The following IQCM variants were observed in gnomAD, a reference collection of about 807,000 sequenced individuals.
The protein encoded by IQCM is IQ domain-containing protein M.
In IQCM, 45 loss-of-function variants were observed where a neutral mutation model predicts 57.6. The observed-to-expected ratio is 0.78, with a 90% CI of 0.62 to 1.00. IQCM has a LOEUF of 1.00. Among genes scored for constraint, IQCM ranks in the 50% least tolerant of loss-of-function variants. The pLI, the probability that IQCM is intolerant of heterozygous loss-of-function variation, is 0.00. For missense variants in IQCM, 468 were observed against 511.6 expected, an observed-to-expected ratio of 0.91 and a Z score of 0.82; for synonymous variants, 148 against 158.9, an observed-to-expected ratio of 0.93 and a Z score of 0.51.
chr4:149,398,579 C>T (rs1360042169), intron 13 of IQCM, among the ~76,000 whole-genome samples: 1 of 152,026 alleles, frequency 6.6e-6, no homozygotes, highest in Admixed American at 6.6e-5. Flanking sequence ...TCTTTCACCT[C>T]CTTAACTAAG....
chr4:149,769,586 T>C (rs1370011208), intron 2 of IQCM, among the ~76,000 whole-genome samples: 1 of 149,184 alleles, frequency 6.7e-6, no homozygotes, highest in Non-Finnish European at 1.5e-5. Flanking sequence ...AGTAAAAGGA[T>C]AGAAAAGGTA....
At chr4:149,737,234 G>A (rs1052434110) in intron 3 of IQCM, among the ~76,000 whole-genome samples, 4 of 152,112 alleles carry the variant, frequency 2.6e-5, no homozygotes, top group Non-Finnish European at 5.9e-5. Flanking sequence ...TGATGGGAAT[G>A]TTCTGTATTT....
intron 7 of IQCM, among the ~76,000 whole-genome samples, chr4:149,660,985 TAATAA>T (rs1262202078): frequency 6.6e-6 from 1 of 151,742 alleles, no homozygotes. Flanking sequence ...AGTATAATAA[TAATAA>T]AATAAAACAA....
chr4:149,814,832 T>C (rs1226560790), intron 2 of IQCM, among the ~76,000 whole-genome samples: 3 of 151,996 alleles, frequency 2.0e-5, no homozygotes, highest in Non-Finnish European at 2.9e-5. Context: ...CTCTGGAGTA[T>C]GAATCATATA....
intron 7 of IQCM, among the ~76,000 whole-genome samples, chr4:149,636,462 A>G (rs1377352360): frequency 1.3e-5 from 2 of 152,086 alleles, no homozygotes; most frequent in Admixed American, 6.6e-5. Context: ...CTCCTCCATG[A>G]TAGACGTGTG....
chr4:149,468,737 C>G (rs1197593193), intron 12 of IQCM, among the ~76,000 whole-genome samples: 2 of 152,216 alleles, frequency 1.3e-5, no homozygotes, highest in African/African-American at 4.8e-5. Context: ...TAGGGGCCAA[C>G]TGACACCTCA....
intron 13 of IQCM, among the ~76,000 whole-genome samples, chr4:149,399,900 T>C (rs561567863): frequency 1.8e-4 from 28 of 152,186 alleles, no homozygotes; most frequent in Middle Eastern, 3.4e-3. Context: ...AGAGAGTATA[T>C]GAAAAGGCTA....
intron 12 of IQCM, among the ~76,000 whole-genome samples, chr4:149,456,062 AAG>A (rs1169959547): frequency 1.3e-5 from 2 of 152,120 alleles, no homozygotes; most frequent in Non-Finnish European, 2.9e-5. Context: ...TATTAAAAAA[AAG>A]AGATTAAAAA....
chr4:149,799,470 G>GA (rs1217205920), intron 2 of IQCM, among the ~76,000 whole-genome samples: 1 of 150,050 alleles, frequency 6.7e-6, no homozygotes, highest in Non-Finnish European at 1.5e-5. Context: ...ATTAGTAGAA[G>GA]AAAAAAAATA....
chr4:149,373,670 T>G (rs1730515955), intron 13 of IQCM, among the ~76,000 whole-genome samples: 1 of 152,122 alleles, frequency 6.6e-6, no homozygotes, highest in Non-Finnish European at 1.5e-5. Flanking sequence ...ATTATAATCT[T>G]AGGCCCAGGA....
At chr4:149,357,691 T>C (rs1239310781) in intron 13 of IQCM, among the ~76,000 whole-genome samples, 8 of 152,338 alleles carry the variant, frequency 5.3e-5, no homozygotes, top group African/African-American at 1.9e-4. Context: ...ATCAAGGATA[T>C]TGGTCTTGAA....
intron 5 of IQCM, among the ~76,000 whole-genome samples, chr4:149,723,711 GCATCTATGTT>G (rs1765646042): frequency 6.6e-6 from 1 of 151,890 alleles, no homozygotes; most frequent in African/African-American, 2.4e-5. Flanking sequence ...GAGGATTTTT[GCATCTATGTT>G]CATCAGACAT....
intron 5 of IQCM, among the ~76,000 whole-genome samples, chr4:149,693,145 C>T (rs936308787): frequency 6.6e-5 from 10 of 152,166 alleles, no homozygotes; most frequent in African/African-American, 2.4e-4. Context: ...AATCAATCAT[C>T]CATTCAATTT....
At position 149,658,504 on chromosome 4, in the gene IQCM, A is replaced by C. The variant is rs72726176; in HGVS notation, c.565+23614T>G. 1.9e-3 allele frequency among the ~76,000 whole-genome samples: 289 copies of C among 151,984 alleles called. 4 individuals carry two copies. The highest frequency in any genetic ancestry group is 6.7e-3 in the African/African-American group (278 of 41,538). The stretch of plus-strand genomic sequence containing the variant: ...TTTTGGGGTCTCTCGTGGTTCCATA[A>C]GAATTTTAAGATATTTTTTCTATTT... On this transcript the variant is annotated intron_variant, in intron 7 of 13. Transcript: ENST00000636793.
intron 12 of IQCM, among the ~76,000 whole-genome samples, chr4:149,445,628 T>A (rs1736423152): frequency 6.6e-6 from 1 of 151,788 alleles, no homozygotes; most frequent in African/African-American, 2.4e-5. Context: ...ATTGTTATCA[T>A]CATTGGGCAG....
chr4:149,450,828 G>A (rs1277874665), intron 12 of IQCM, among the ~76,000 whole-genome samples: 1 of 151,678 alleles, frequency 6.6e-6, no homozygotes, highest in Non-Finnish European at 1.5e-5. Context: ...TAAAAATAAA[G>A]CTACCATACG....
intron 12 of IQCM, among the ~76,000 whole-genome samples, chr4:149,463,343 C>G (rs761691579): frequency 6.6e-6 from 1 of 152,170 alleles, no homozygotes; most frequent in Non-Finnish European, 1.5e-5. Flanking sequence ...AATTAAAGAA[C>G]AAGCTTTCGT....
At chr4:149,639,269 T>A (rs1235739676) in intron 7 of IQCM, among the ~76,000 whole-genome samples, 1 of 151,080 alleles carries the variant, frequency 6.6e-6, no homozygotes, top group Non-Finnish European at 1.5e-5. Context: ...CTACAAAAAA[T>A]TTAAAAATTA....
At chr4:149,812,715 T>C (rs934314541) in intron 2 of IQCM, among the ~76,000 whole-genome samples, 2 of 152,172 alleles carry the variant, frequency 1.3e-5, no homozygotes, top group African/African-American at 4.8e-5. Flanking sequence ...GACAGTGTAC[T>C]TTATTTCTGC....
Sources: allele counts gnomAD v4.1 joint callset (sites outside exome capture counted in the v4.1 genomes callset), GRCh38; gene constraint gnomAD v4.1.1; transcripts MANE v1.5; gene names NCBI Gene and HGNC (gene_info 2026-07-23, HGNC 2026-07-21).